Variants in ANKRD50 observed in about 807,000 individuals in gnomAD.
ANKRD50 encodes ankyrin repeat domain 50.
ANKRD50 carries 40 observed loss-of-function variants against 112.0 expected under a neutral mutation model. The observed-to-expected ratio is 0.36, with a 90% CI of 0.28 to 0.46. The LOEUF (loss-of-function observed/expected upper bound fraction) is 0.46. Ranked by LOEUF, ANKRD50 falls within the 20% of genes least tolerant of loss-of-function variation. The probability of loss-of-function intolerance (pLI) is 1.00; values close to 1 mark genes in which losing one functional copy is unlikely to be tolerated. For missense variants in ANKRD50, 1,487 were observed against 1,701.7 expected, an observed-to-expected ratio of 0.87 and a Z score of 2.22; for synonymous variants, 613 against 619.1, an observed-to-expected ratio of 0.99 and a Z score of 0.15.
At chr4:124,681,977 T>G (rs1040114185) in intron 2 of ANKRD50, among the ~76,000 whole-genome samples, 5 of 152,168 alleles carry the variant, frequency 3.3e-5, no homozygotes, top group African/African-American at 1.2e-4. Flanking sequence ...ACATGTTTTG[T>G]GTAACTTCCA....
chr4:124,693,463 C>T (rs1029816717), intron 2 of ANKRD50, among the ~76,000 whole-genome samples: 6 of 152,022 alleles, frequency 3.9e-5, no homozygotes, highest in South Asian at 4.1e-4. Flanking sequence ...CCTATAGCTC[C>T]TGAATTCACT....
Position 124,665,237 on chromosome 4 carries a change from T to C in ANKRD50, c.*2281A>G, listed in dbSNP as rs1161705009. 6.6e-6 allele frequency: 1 copy of C among 152,314 alleles called. No homozygotes were observed. Among genetic ancestry groups the C allele is most frequent in the Non-Finnish European group, 1.5e-5 (1 of 67,876 alleles). 9.4% of individuals were successfully genotyped at this position (152,314 alleles called of 1,614,324 possible). A position where few individuals can be genotyped will look rare whatever the true frequency, so the allele number is the denominator to read the frequency against. On this transcript the variant is annotated 3_prime_UTR_variant, in exon 5 of 5. Transcript: ENST00000504087. ...ATTTATGTTCTATTCCAAAACATAA[T>C]TTATATAAAAACATCCCGAGGAATA...
chr4:124,668,711 T>C (rs759348149), intron 4 of ANKRD50, among the ~76,000 whole-genome samples: 2 of 152,064 alleles, frequency 1.3e-5, no homozygotes, highest in African/African-American at 4.8e-5. Context: ...CTCACAAAGG[T>C]TGTATTTTTA....
At chr4:124,679,500 CCATT>C (rs1446303800) in intron 2 of ANKRD50, among the ~76,000 whole-genome samples, 4 of 152,252 alleles carry the variant, frequency 2.6e-5, no homozygotes, top group Non-Finnish European at 5.9e-5. Flanking sequence ...AGGCTTTACT[CCATT>C]AATTAATGCA....
chr4:124,671,761 G>A lies in ANKRD50; in HGVS notation c.1516C>T (p.His506Tyr), dbSNP rs770247576. 9.9e-6 allele frequency: 16 copies of A among 1,613,810 alleles called. No individual in the cohort carries two copies. In the East Asian group the frequency reaches 3.3e-4, roughly 34 times the overall value. The part of the protein sequence containing the change: ...VLQLLVKAGA[H>Y]VNSEDDRTSC... The stretch of plus-strand genomic sequence containing the variant: ...GTGCGATCGTCTTCACTGTTGACAT[G>A]AGCCCCAGCTTTAACCAACAGCTGT... Residue 506 changes from histidine (H) to tyrosine (Y), a missense_variant, in exon 4 of 5, where the codon CAT becomes TAT. Coordinates refer to ENST00000504087, the MANE Select transcript of ANKRD50 (RefSeq NM_020337.3).
At chr4:124,678,070 T>G (rs2110512428) in intron 3 of ANKRD50, among the ~76,000 whole-genome samples, 1 of 152,158 alleles carries the variant, frequency 6.6e-6, no homozygotes, top group South Asian at 2.1e-4. Flanking sequence ...TTACAGAAAA[T>G]TATTTTAACA....
At chr4:124,711,545 G>C (rs899111087) in intron 1 of ANKRD50, among the ~76,000 whole-genome samples, 9 of 152,128 alleles carry the variant, frequency 5.9e-5, no homozygotes, top group Admixed American at 5.9e-4. Flanking sequence ...AAGGAGGGGG[G>C]GAGAAACTTT....
intron 2 of ANKRD50, among the ~76,000 whole-genome samples, chr4:124,709,440 C>T (rs895797020): frequency 2.0e-5 from 3 of 151,948 alleles, no homozygotes; most frequent in Non-Finnish European, 4.4e-5. Context: ...CAAATGTTCG[C>T]TATTTTATAA....
At position 124,666,136 on chromosome 4, in the gene ANKRD50, C is replaced by T. The variant is rs915029701; in HGVS notation, c.*1382G>A. ...CAAATCCACAACCTTGGCTTCTAAA[C>T]TGTTATGACAACTTTTCCAGACATA... On this transcript the variant is annotated 3_prime_UTR_variant, in exon 5 of 5. Transcript: ENST00000504087. The T allele has an allele frequency of 6.6e-6, 1 of 152,358 alleles. No individual in the cohort carries two copies. The highest frequency in any genetic ancestry group is 2.4e-5 in the African/African-American group (1 of 41,422). 9.4% of individuals were successfully genotyped at this position (152,358 alleles called of 1,614,324 possible). A position where few individuals can be genotyped will look rare whatever the true frequency, so the allele number is the denominator to read the frequency against.
chr4:124,699,102 T>TA (rs1725325552), intron 2 of ANKRD50, among the ~76,000 whole-genome samples: 1 of 152,202 alleles, frequency 6.6e-6, no homozygotes, highest in Non-Finnish European at 1.5e-5. Flanking sequence ...AAACTACATT[T>TA]ACTTTTATAA....
intron 2 of ANKRD50, among the ~76,000 whole-genome samples, chr4:124,683,347 A>G (rs1345173981): frequency 6.6e-6 from 1 of 151,720 alleles, no homozygotes; most frequent in Non-Finnish European, 1.5e-5. Context: ...GGGGTACGAA[A>G]TATGTGATAT....
intron 2 of ANKRD50, 76 bp downstream of exon 2, chr4:124,709,924 A>C: frequency 2.0e-6 from 3 of 1,524,772 alleles, no homozygotes; most frequent in Non-Finnish European, 2.6e-6. Flanking sequence ...CCACAAAGTT[A>C]AAACAAAAAA....
At chr4:124,697,747 AC>A (rs139339137) in intron 2 of ANKRD50, among the ~76,000 whole-genome samples, 3,276 of 152,256 alleles carry the variant, frequency 0.022, 129 homozygotes, top group African/African-American at 0.075. Context: ...ATAGACTAAT[AC>A]GGGTGGTGAG....
In ANKRD50 at chr4:124,669,085, G is replaced by A; in HGVS notation, c.4192C>T (p.Pro1398Ser). ...RGHQEVLEGY[P>S]SSETELSLKQ... ...AGGCTTAATTCTGTCTCTGAGGAAGGGTATCCCTCCAACACTTCCTGATGC... is the reference window on the plus strand; with the variant it reads ...AGGCTTAATTCTGTCTCTGAGGAAGAGTATCCCTCCAACACTTCCTGATGC... The change falls in exon 4 of 5, where the codon CCT (proline) becomes TCT (serine). Residue 1398 changes from proline (P) to serine (S), a missense_variant. Pro to Ser is a moderately conservative substitution (Grantham distance 74). Transcript: ENST00000504087. 1 of 1,613,414 alleles carries A rather than the reference G, an allele frequency of 6.2e-7. No individual in the cohort carries two copies. The highest frequency in any genetic ancestry group is 1.1e-5 in the South Asian group (1 of 91,014).
intron 2 of ANKRD50, among the ~76,000 whole-genome samples, chr4:124,692,214 T>C (rs1725154735): frequency 6.6e-6 from 1 of 152,196 alleles, no homozygotes; most frequent in Non-Finnish European, 1.5e-5. Flanking sequence ...TCTGATCCCA[T>C]ATATTTTGGA....
In ANKRD50 at chr4:124,666,142, T is replaced by C. The variant is rs1346733970; in HGVS notation, c.*1376A>G. 1 of 152,386 alleles carries C rather than the reference T, an allele frequency of 6.6e-6. No individual in the cohort carries two copies. The highest frequency in any genetic ancestry group is 1.5e-5 in the Non-Finnish European group (1 of 67,940). The allele number at this position is 152,386 out of a possible 1,614,324, so 9.4% of individuals were successfully genotyped here. ...CACAACCTTGGCTTCTAAACTGTTA[T>C]GACAACTTTTCCAGACATATAAACG... On this transcript the variant is annotated 3_prime_UTR_variant, in exon 5 of 5. Transcript: ENST00000504087.
At chr4:124,705,498 A>T (rs1166970119) in intron 2 of ANKRD50, among the ~76,000 whole-genome samples, 1 of 152,216 alleles carries the variant, frequency 6.6e-6, no homozygotes, top group Non-Finnish European at 1.5e-5. Flanking sequence ...GGTCCTGCAG[A>T]CTGTTAACAA....
At chr4:124,668,211 G>GA (rs761722451) in intron 4 of ANKRD50, among the ~76,000 whole-genome samples, 4 of 151,350 alleles carry the variant, frequency 2.6e-5, no homozygotes, top group South Asian at 2.1e-4. Flanking sequence ...ACAGGAAGGA[G>GA]AAAAAAAAAT....
At chr4:124,681,012 T>C (rs1057057789) in intron 2 of ANKRD50, among the ~76,000 whole-genome samples, 1 of 152,146 alleles carries the variant, frequency 6.6e-6, no homozygotes, top group African/African-American at 2.4e-5. Context: ...AAGAAGCCAC[T>C]GAAATATTTT....
Sources: allele counts gnomAD v4.1 joint callset (sites outside exome capture counted in the v4.1 genomes callset), GRCh38; gene constraint gnomAD v4.1.1; transcripts MANE v1.5; gene names NCBI Gene and HGNC (gene_info 2026-07-23, HGNC 2026-07-21).